The following ADAMTSL1 variants were observed in gnomAD, a reference collection of about 807,000 sequenced individuals.
The protein encoded by ADAMTSL1 is ADAMTS-like protein 1.
Under a neutral mutation model 201.8 loss-of-function variants are expected in ADAMTSL1, and 126 were observed. That is an observed-to-expected ratio of 0.62 (90% CI 0.54 to 0.72). ADAMTSL1 has a LOEUF of 0.72. ADAMTSL1 is among the 30% of genes least tolerant of loss of function. The pLI is 0.00. For synonymous variants in ADAMTSL1, 1,121 were observed against 903.4 expected (o/e 1.24, Z -4.32); for missense variants, 2,679 against 2,277.8 (o/e 1.18, Z -3.59).
chr9:18,264,699 C>T (rs1037749913), intron 2 of ADAMTSL1, among the ~76,000 whole-genome samples: 25 of 152,132 alleles, frequency 1.6e-4, no homozygotes, highest in Non-Finnish European at 3.4e-4. Flanking sequence ...ACAGGTTATT[C>T]CTGGTGATTA....
intron 1 of ADAMTSL1, among the ~76,000 whole-genome samples, chr9:18,041,125 G>T (rs1340510012): frequency 6.6e-6 from 1 of 152,166 alleles, no homozygotes; most frequent in East Asian, 1.9e-4. Flanking sequence ...TGAAAAACCA[G>T]CAGTTCTGTT....
chr9:18,624,887 A>C (rs2132691606), intron 5 of ADAMTSL1, among the ~76,000 whole-genome samples: 1 of 152,324 alleles, frequency 6.6e-6, no homozygotes, highest in South Asian at 2.1e-4. Flanking sequence ...TACTGACAAA[A>C]TGGAATTGAT....
chr9:18,518,136 G>C (rs1304927539), intron 2 of ADAMTSL1, among the ~76,000 whole-genome samples: 1 of 152,102 alleles, frequency 6.6e-6, no homozygotes, highest in Non-Finnish European at 1.5e-5. Flanking sequence ...GTAAATAATT[G>C]TCAAAAAATA....
At chr9:18,185,059 G>A (rs1331095) in intron 2 of ADAMTSL1, among the ~76,000 whole-genome samples, 148,249 of 152,172 alleles carry the variant, frequency 0.97, 72,342 homozygotes, top group East Asian at 1. Flanking sequence ...TTTTCAGATT[G>A]GGGGTATTTA....
At chr9:18,312,411 A>G (rs1834190456) in intron 2 of ADAMTSL1, among the ~76,000 whole-genome samples, 1 of 152,324 alleles carries the variant, frequency 6.6e-6, no homozygotes, top group East Asian at 1.9e-4. Context: ...AAGAGGACTT[A>G]AAAAGGAGAA....
chr9:18,095,621 G>T (rs1044977159), intron 1 of ADAMTSL1, among the ~76,000 whole-genome samples: 1 of 151,528 alleles, frequency 6.6e-6, no homozygotes, highest in African/African-American at 2.4e-5. Context: ...ATGGGGTTTC[G>T]CCATGTTGGC....
Position 18,908,574 on chromosome 9 carries a change from C to T in ADAMTSL1, c.*26C>T, listed in dbSNP as rs1445324282. 3 of 1,534,942 alleles carry T rather than the reference C, an allele frequency of 2.0e-6. No individual in the cohort carries two copies. The highest frequency in any genetic ancestry group is 2.6e-6 in the Non-Finnish European group (3 of 1,132,630). Reference sequence around the variant, plus strand: ...AGATAGGGTGTGGGGAAAAACTCTACCCTGGCCACACGAAGGACTCACGCA... The same window carrying T: ...AGATAGGGTGTGGGGAAAAACTCTATCCTGGCCACACGAAGGACTCACGCA... On this transcript the variant is annotated 3_prime_UTR_variant, in exon 29 of 29. Coordinates refer to ENST00000380548, the MANE Select transcript of ADAMTSL1 (RefSeq NM_001040272.6).
intron 1 of ADAMTSL1, among the ~76,000 whole-genome samples, chr9:18,153,199 A>C (rs1826995859): frequency 2.0e-5 from 3 of 152,016 alleles, no homozygotes; most frequent in African/African-American, 7.2e-5. Context: ...CTCTTTGAAG[A>C]GACAACCCAA....
chr9:18,570,802 G>C (rs1822248640), intron 3 of ADAMTSL1, among the ~76,000 whole-genome samples: 1 of 152,130 alleles, frequency 6.6e-6, no homozygotes, highest in Non-Finnish European at 1.5e-5. Flanking sequence ...ACAAAAATAT[G>C]GGTGGAAGGA....
intron 2 of ADAMTSL1, among the ~76,000 whole-genome samples, chr9:18,266,077 C>G (rs1056119839): frequency 6.6e-6 from 1 of 152,204 alleles, no homozygotes; most frequent in Non-Finnish European, 1.5e-5. Flanking sequence ...AAAGACCACT[C>G]TGGCTTATAG....
intron 2 of ADAMTSL1, among the ~76,000 whole-genome samples, chr9:18,524,253 G>A (rs1328716733): frequency 6.6e-6 from 1 of 152,168 alleles, no homozygotes; most frequent in Non-Finnish European, 1.5e-5. Context: ...TCTGTTATTG[G>A]TGTATAAGAA....
chr9:17,918,548 C>A (rs1043141999), intron 1 of ADAMTSL1, among the ~76,000 whole-genome samples: 18 of 151,810 alleles, frequency 1.2e-4, no homozygotes, highest in African/African-American at 2.7e-4. Flanking sequence ...TTTAATGGAC[C>A]AGAATGATGG....
intron 1 of ADAMTSL1, among the ~76,000 whole-genome samples, chr9:17,931,395 T>G (rs574803797): frequency 6.6e-6 from 1 of 152,268 alleles, no homozygotes; most frequent in South Asian, 2.1e-4. Context: ...GCTTTCGAGA[T>G]TTTCCATTTT....
In ADAMTSL1 at chr9:18,844,484, G is replaced by C. The variant is rs557234461; in HGVS notation, c.4249+14507G>C. Among the ~76,000 whole-genome samples, 3 of 152,318 alleles carry C rather than the reference G, an allele frequency of 2.0e-5. No homozygotes were observed. In the East Asian group the frequency reaches 5.8e-4, roughly 29 times the overall value. On this transcript the variant is annotated intron_variant, in intron 23 of 28. Coordinates refer to ENST00000380548, the MANE Select transcript of ADAMTSL1 (RefSeq NM_001040272.6). ...CCCAGTTAGGCTGCTCGGGGGTCAG[G>C]GGTCAGGGACCCACTTGAGAAGGCA...
chr9:18,154,992 TG>T (rs370132090), intron 1 of ADAMTSL1, among the ~76,000 whole-genome samples: 5 of 152,134 alleles, frequency 3.3e-5, no homozygotes, highest in African/African-American at 9.6e-5. Flanking sequence ...GGGTTGCTGG[TG>T]GGTGGTGATG....
At chr9:18,754,623 C>CCA (rs1353605051) in intron 16 of ADAMTSL1, among the ~76,000 whole-genome samples, 1 of 152,218 alleles carries the variant, frequency 6.6e-6, no homozygotes, top group Non-Finnish European at 1.5e-5. Flanking sequence ...TTCCAGGCAG[C>CCA]CACGTGTCCT....
In ADAMTSL1 at chr9:18,717,194, C is replaced by G. The variant is rs867400637; in HGVS notation, c.1877-4342C>G. On this transcript the variant is annotated intron_variant, in intron 14 of 28. Transcript: ENST00000380548. Reference sequence around the variant, plus strand: ...GGCACATGTATACCTATGTAACTAACCTGCACATTGTGCACATGTACCCTA... The same window carrying G: ...GGCACATGTATACCTATGTAACTAAGCTGCACATTGTGCACATGTACCCTA... Among the ~76,000 whole-genome samples, 439 of 149,396 alleles carry G rather than the reference C, an allele frequency of 2.9e-3. 2 individuals are homozygous for G. Among genetic ancestry groups the G allele is most frequent in the African/African-American group, 0.01 (417 of 40,672 alleles).
intron 1 of ADAMTSL1, among the ~76,000 whole-genome samples, chr9:18,152,584 C>A (rs1349756302): frequency 2.0e-5 from 3 of 151,760 alleles, no homozygotes; most frequent in Non-Finnish European, 4.4e-5. Flanking sequence ...AAATGAGAAA[C>A]CAAAGGAATG....
intron 13 of ADAMTSL1, among the ~76,000 whole-genome samples, chr9:18,690,059 A>G (rs1455703221): frequency 6.6e-6 from 1 of 152,230 alleles, no homozygotes; most frequent in Non-Finnish European, 1.5e-5. Context: ...TGGATGCCAG[A>G]TGGCATCAGC....
Sources: allele counts gnomAD v4.1 joint callset (sites outside exome capture counted in the v4.1 genomes callset), GRCh38; gene constraint gnomAD v4.1.1; transcripts MANE v1.5; gene names NCBI Gene and HGNC (gene_info 2026-07-23, HGNC 2026-07-21).